FHIP1A: variants seen among roughly 807,000 people sequenced by gnomAD.
FHIP1A encodes the protein FHF complex subunit HOOK-interacting protein 1A.
FHIP1A carries 61 observed loss-of-function variants against 88.6 expected under a neutral mutation model. The ratio of observed to expected loss-of-function variants is 0.69; its 90% confidence interval spans 0.56 to 0.85. The LOEUF is 0.85. Ranked by LOEUF, FHIP1A falls within the 40% of genes least tolerant of loss-of-function variation. The pLI, the probability that FHIP1A is intolerant of heterozygous loss-of-function variation, is 0.00. For synonymous variants in FHIP1A, 478 were observed against 496.0 expected (o/e 0.96, Z 0.48); for missense variants, 1,154 against 1,273.5 (o/e 0.91, Z 1.43).
intron 2 of FHIP1A, among the ~76,000 whole-genome samples, chr4:151,470,242 A>G (rs1273412112): frequency 6.6e-6 from 1 of 152,150 alleles, no homozygotes; most frequent in Non-Finnish European, 1.5e-5. Flanking sequence ...GTGTATGGAT[A>G]TTTAATTTAT....
chr4:151,460,656 A>G (rs1409353926), intron 2 of FHIP1A, among the ~76,000 whole-genome samples: 13 of 152,238 alleles, frequency 8.5e-5, no homozygotes. Flanking sequence ...ATATTGTCTC[A>G]TTAGAGTTAA....
chr4:151,477,740 A>G (rs1184262611), intron 2 of FHIP1A, among the ~76,000 whole-genome samples: 1 of 152,140 alleles, frequency 6.6e-6, no homozygotes, highest in Non-Finnish European at 1.5e-5. Context: ...AAAGATGCTT[A>G]ACTTCACCCA....
At chr4:151,654,574 T>A (rs1737158658) in intron 11 of FHIP1A, among the ~76,000 whole-genome samples, 1 of 152,226 alleles carries the variant, frequency 6.6e-6, no homozygotes, top group African/African-American at 2.4e-5. Context: ...AGCCAGGGAC[T>A]GCGGGGGAGC....
intron 2 of FHIP1A, among the ~76,000 whole-genome samples, chr4:151,477,587 C>T (rs1729753481): frequency 6.6e-6 from 1 of 151,904 alleles, no homozygotes; most frequent in Non-Finnish European, 1.5e-5. Flanking sequence ...AAAATATTTG[C>T]TTCTCAAATC....
chr4:151,514,589 C>T (rs1731158500), intron 3 of FHIP1A, among the ~76,000 whole-genome samples: 1 of 151,994 alleles, frequency 6.6e-6, no homozygotes, highest in Admixed American at 6.6e-5. Flanking sequence ...AGAGAAGAAT[C>T]AAATAGACAC....
At chr4:151,522,276 C>T (rs1731474316) in intron 3 of FHIP1A, among the ~76,000 whole-genome samples, 1 of 152,158 alleles carries the variant, frequency 6.6e-6, no homozygotes, top group South Asian at 2.1e-4. Context: ...GTATGGGGGC[C>T]ACTCTAACCG....
At chr4:151,527,271 C>T (rs542851328) in intron 3 of FHIP1A, among the ~76,000 whole-genome samples, 23 of 152,312 alleles carry the variant, frequency 1.5e-4, no homozygotes, top group South Asian at 8.3e-4. Flanking sequence ...TCTGCAATCC[C>T]GGCACCTCGG....
intron 7 of FHIP1A, among the ~76,000 whole-genome samples, chr4:151,626,442 A>G (rs62327273): frequency 0.28 from 42,920 of 152,140 alleles, 6,334 homozygotes; most frequent in Non-Finnish European, 0.33. Context: ...TCAGGCCTCT[A>G]TTCTGGAACT....
intron 2 of FHIP1A, among the ~76,000 whole-genome samples, chr4:151,464,925 GGGGTT>G (rs553152777): frequency 1.3e-5 from 2 of 152,110 alleles, no homozygotes; most frequent in South Asian, 4.1e-4. Context: ...CAAATTCTTG[GGGGTT>G]GGGTGCCATG....
chr4:151,652,736 A>G (rs548759980), intron 11 of FHIP1A, among the ~76,000 whole-genome samples: 1 of 152,346 alleles, frequency 6.6e-6, no homozygotes, highest in South Asian at 2.1e-4. Context: ...AGGTGAAAGC[A>G]GGTGAGAATG....
At position 151,650,304 on chromosome 4, in the gene FHIP1A, T is replaced by C; in HGVS notation, c.2263T>C (p.Tyr755His). The C allele has an allele frequency of 6.4e-7, 1 of 1,551,656 alleles. No individual in the cohort carries two copies. ...HPESEELIAQ[Y>H]DQIIKELDSG... is the part of the protein sequence containing the mutation. Reference sequence around the variant, plus strand: ...GGAGAGCGAGGAGCTCATTGCCCAGTATGACCAAATCATTAAAGAGCTGGA... The same window carrying C: ...GGAGAGCGAGGAGCTCATTGCCCAGCATGACCAAATCATTAAAGAGCTGGA... Residue 755 changes from tyrosine (Y) to histidine (H), a missense_variant, in exon 11 of 14, where the codon TAT (tyrosine) becomes CAT (histidine). Coordinates refer to ENST00000435205, the MANE Select transcript of FHIP1A (RefSeq NM_001109977.3).
At position 151,502,157 on chromosome 4, in the gene FHIP1A, G is replaced by GAAA. The variant is rs370065238; in HGVS notation, c.-123+19523_-123+19525dup. On this transcript the variant is annotated intron_variant, in intron 3 of 13. Transcript: ENST00000435205. ...ATAGGGAGAATCTGTCTCTACAAAA[G>GAAA]AAAAAAAAAAAAAAAAGAAAAGAAA... 1.0e-3 allele frequency among the ~76,000 whole-genome samples: 114 copies of GAAA among 114,174 alleles called. 1 individual carries two copies. Among genetic ancestry groups the GAAA allele is most frequent in the Middle Eastern group, 4.6e-3 (1 of 216 alleles). The allele number at this position is 114,174 out of a possible 152,430, so 74.9% of individuals were successfully genotyped here.
chr4:151,538,138 G>A (rs1732140714), intron 3 of FHIP1A, among the ~76,000 whole-genome samples: 1 of 152,276 alleles, frequency 6.6e-6, no homozygotes, highest in Non-Finnish European at 1.5e-5. Flanking sequence ...TAGTAGTGGA[G>A]TATAAGGAGA....
intron 3 of FHIP1A, among the ~76,000 whole-genome samples, chr4:151,501,626 T>A (rs1274152275): frequency 6.6e-6 from 1 of 151,904 alleles, no homozygotes; most frequent in Non-Finnish European, 1.5e-5. Context: ...GTAGTGGATA[T>A]AAAGTGTTAT....
Position 151,524,037 on chromosome 4 carries a change from C to T in FHIP1A, c.-123+41389C>T, listed in dbSNP as rs150991516. ...TTTAAAAATGTTATTATTGGCCAGG[C>T]GTGGTGGCTCACACCTGTAATCCCA... On this transcript the variant is annotated intron_variant, in intron 3 of 13. Coordinates refer to ENST00000435205, the MANE Select transcript of FHIP1A (RefSeq NM_001109977.3). Among the ~76,000 whole-genome samples, 730 of 152,210 alleles carry T rather than the reference C, an allele frequency of 4.8e-3. 3 individuals are homozygous for T. Among genetic ancestry groups the T allele is most frequent in the African/African-American group, 0.016 (662 of 41,534 alleles).
chr4:151,512,676 G>A (rs1731083767), intron 3 of FHIP1A, among the ~76,000 whole-genome samples: 1 of 152,172 alleles, frequency 6.6e-6, no homozygotes, highest in African/African-American at 2.4e-5. Flanking sequence ...AGGAGCCGAT[G>A]CGATCAACTG....
rs570580715 is a variant in FHIP1A at position 151,575,439 on chromosome 4, T to C, written c.106-2011T>C. On this transcript the variant is annotated intron_variant, in intron 4 of 13. Transcript: ENST00000435205. ...CCCAGTGTTGCTGCTGCTAGGAAGGTCACCAGGTGCAAGGAATCCTGGAGG... is the reference window on the plus strand; with the variant it reads ...CCCAGTGTTGCTGCTGCTAGGAAGGCCACCAGGTGCAAGGAATCCTGGAGG... Among the ~76,000 whole-genome samples, 12 of 152,198 alleles carry C rather than the reference T, an allele frequency of 7.9e-5. 1 individual carries two copies. In the South Asian group the frequency reaches 2.5e-3, roughly 32 times the overall value.
chr4:151,547,280 C>G (rs942752414), intron 3 of FHIP1A, among the ~76,000 whole-genome samples: 4 of 151,626 alleles, frequency 2.6e-5, no homozygotes, highest in African/African-American at 9.7e-5. Flanking sequence ...ACACACTTCT[C>G]TATTTTAGTG....
rs1737566140 is a variant in FHIP1A at position 151,663,889 on chromosome 4, G to A, written c.*1135G>A. ...ACTCTGCATGGAAATGCTGCCTTCC[G>A]AGTAATGGGGTTCATTAGAAGGCCC... is the stretch of plus-strand genomic sequence containing the variant. On this transcript the variant is annotated 3_prime_UTR_variant, in exon 14 of 14. Transcript: ENST00000435205. Among the ~76,000 whole-genome samples, 2 of 152,250 alleles carry A rather than the reference G, an allele frequency of 1.3e-5. No homozygotes were observed. Among genetic ancestry groups the A allele is most frequent in the African/African-American group, 4.8e-5 (2 of 41,554 alleles).
Sources: gnomAD v4.1 joint callset for allele counts (sites outside exome capture counted in the v4.1 genomes callset) on GRCh38, gnomAD v4.1.1 for gene constraint, MANE v1.5 for transcripts, NCBI Gene and HGNC (gene_info 2026-07-23, HGNC 2026-07-21) for gene names.